Variants in EXT1 observed in about 807,000 individuals in gnomAD.
EXT1 encodes the protein exostosin glycosyltransferase 1, also known as exostosin-1.
Under a neutral mutation model 82.5 loss-of-function variants are expected in EXT1, and 20 were observed. The observed-to-expected ratio is 0.24, with a 90% CI of 0.17 to 0.35. The LOEUF (loss-of-function observed/expected upper bound fraction) is 0.35. Among genes scored for constraint, EXT1 ranks in the 10% least tolerant of loss-of-function variants. The pLI, the probability that EXT1 is intolerant of heterozygous loss-of-function variation, is 1.00. For missense variants in EXT1, 757 were observed against 936.5 expected (o/e 0.81, Z 2.50); for synonymous variants, 348 against 350.8 (o/e 0.99, Z 0.09).
At chr8:117,858,343 C>G (rs1587014316) in intron 1 of EXT1, among the ~76,000 whole-genome samples, 1 of 152,210 alleles carries the variant, frequency 6.6e-6, no homozygotes, top group East Asian at 1.9e-4. Flanking sequence ...AAGGAAGAGT[C>G]AATCGTTGCG....
intron 1 of EXT1, among the ~76,000 whole-genome samples, chr8:118,027,932 TA>T (rs1331945520): frequency 3.3e-5 from 5 of 152,326 alleles, no homozygotes; most frequent in Admixed American, 2.0e-4. Context: ...CAACACATAT[TA>T]GTCATGCTGC....
intron 1 of EXT1, among the ~76,000 whole-genome samples, chr8:117,886,013 T>G (rs1273857851): frequency 6.6e-6 from 1 of 152,214 alleles, no homozygotes; most frequent in Non-Finnish European, 1.5e-5. Flanking sequence ...GTTGCATGAC[T>G]GTGTGCAAGC....
At chr8:118,021,173 T>C (rs1026621420) in intron 1 of EXT1, among the ~76,000 whole-genome samples, 1 of 152,218 alleles carries the variant, frequency 6.6e-6, no homozygotes, top group Non-Finnish European at 1.5e-5. Flanking sequence ...GAGGCTTTAA[T>C]TGGTAAGGAC....
chr8:117,876,164 C>G (rs564567804), intron 1 of EXT1, among the ~76,000 whole-genome samples: 11 of 152,272 alleles, frequency 7.2e-5, no homozygotes, highest in Middle Eastern at 6.8e-3. Context: ...GATAAATACT[C>G]TATGTGGAAG....
chr8:117,813,725 G>T (rs544111015), intron 7 of EXT1, among the ~76,000 whole-genome samples: 3 of 152,146 alleles, frequency 2.0e-5, no homozygotes, highest in African/African-American at 7.2e-5. Flanking sequence ...AATATATTAG[G>T]CCAGGCGTGG....
chr8:117,980,697 G>GTTTTT (rs1491146564), intron 1 of EXT1, among the ~76,000 whole-genome samples: 300 of 27,516 alleles, frequency 0.011, 41 homozygotes, highest in Middle Eastern at 0.028. Flanking sequence ...GGGTGTTGGT[G>GTTTTT]GTTTTTTTTT....
At chr8:117,918,027 T>C (rs939904041) in intron 1 of EXT1, among the ~76,000 whole-genome samples, 1 of 152,154 alleles carries the variant, frequency 6.6e-6, no homozygotes, top group South Asian at 2.1e-4. Context: ...CCTGTGCCTT[T>C]TCCAGGGATA....
intron 1 of EXT1, among the ~76,000 whole-genome samples, chr8:118,089,591 A>G (rs944632875): frequency 4.6e-5 from 7 of 152,238 alleles, no homozygotes; most frequent in African/African-American, 1.7e-4. Context: ...TTCACTTTCT[A>G]TAATGTCTGA....
At chr8:117,865,613 CAGACAAATGT>C in intron 1 of EXT1, among the ~76,000 whole-genome samples, 1 of 152,172 alleles carries the variant, frequency 6.6e-6, no homozygotes, top group East Asian at 1.9e-4. Context: ...CCTCATTCTA[CAGACAAATGT>C]AGTTATAGAT....
At chr8:117,870,099 TA>T (rs1029620600) in intron 1 of EXT1, among the ~76,000 whole-genome samples, 134 of 150,224 alleles carry the variant, frequency 8.9e-4, no homozygotes, top group Middle Eastern at 3.4e-3. Context: ...CTCCTTACTT[TA>T]AAAAAAAAAT....
intron 1 of EXT1, among the ~76,000 whole-genome samples, chr8:117,938,506 C>A (rs2129666272): frequency 6.6e-6 from 1 of 152,194 alleles, no homozygotes; most frequent in African/African-American, 2.4e-5. Flanking sequence ...ATTTAAAATT[C>A]AGTTTCTTAG....
At chr8:117,895,019 G>A (rs1428831357) in intron 1 of EXT1, among the ~76,000 whole-genome samples, 1 of 152,232 alleles carries the variant, frequency 6.6e-6, no homozygotes, top group Admixed American at 6.5e-5. Context: ...ATGTCTATAA[G>A]CTTCTGGGTT....
At chr8:117,873,573 A>G (rs1452321888) in intron 1 of EXT1, among the ~76,000 whole-genome samples, 1 of 148,958 alleles carries the variant, frequency 6.7e-6, no homozygotes, top group African/African-American at 2.5e-5. Context: ...CTTGTGCCTC[A>G]GCCTCCCGAA....
intron 1 of EXT1, among the ~76,000 whole-genome samples, chr8:117,866,793 C>CAAA (rs10709657): frequency 2.5e-4 from 23 of 91,786 alleles, no homozygotes; most frequent in African/African-American, 5.1e-4. Context: ...CTGGCCTACC[C>CAAA]AAAAAAAAAA....
intron 1 of EXT1, among the ~76,000 whole-genome samples, chr8:118,101,748 T>C (rs1817722139): frequency 6.6e-6 from 1 of 152,158 alleles, no homozygotes. Context: ...CACCTACAAA[T>C]GTTTATCTAG....
chr8:117,918,902 G>A (rs1813803505), intron 1 of EXT1, among the ~76,000 whole-genome samples: 1 of 152,082 alleles, frequency 6.6e-6, no homozygotes, highest in African/African-American at 2.4e-5. Context: ...CACTGTTGGA[G>A]GAGAATATGA....
chr8:117,958,743 G>A (rs1285607228), intron 1 of EXT1, among the ~76,000 whole-genome samples: 2 of 152,090 alleles, frequency 1.3e-5, no homozygotes, highest in Non-Finnish European at 2.9e-5. Context: ...TTTACTACCT[G>A]CACATAGAAC....
At chr8:117,978,681 G>C (rs138394508) in intron 1 of EXT1, among the ~76,000 whole-genome samples, 2 of 152,298 alleles carry the variant, frequency 1.3e-5, no homozygotes, top group African/African-American at 4.8e-5. Flanking sequence ...CGTGACTCAC[G>C]CTTTTAGTTT....
chr8:117,880,882 TGC>T (rs1554583332), intron 1 of EXT1, among the ~76,000 whole-genome samples: 13 of 152,178 alleles, frequency 8.5e-5, no homozygotes, highest in Non-Finnish European at 1.5e-5. Flanking sequence ...TGAGCCACCG[TGC>T]CCGGCCTGTT....
Sources: gnomAD v4.1 joint callset for allele counts (sites outside exome capture counted in the v4.1 genomes callset) on GRCh38, gnomAD v4.1.1 for gene constraint, MANE v1.5 for transcripts, NCBI Gene and HGNC (gene_info 2026-07-23, HGNC 2026-07-21) for gene names.